Variants in ANAPC1 observed in about 807,000 individuals in gnomAD.
ANAPC1 encodes the protein anaphase promoting complex subunit 1.
In ANAPC1, 36 loss-of-function variants were observed where a neutral mutation model predicts 208.0. The observed-to-expected ratio is 0.17, with a 90% CI of 0.13 to 0.23. ANAPC1 has a LOEUF of 0.23. Among genes scored for constraint, ANAPC1 ranks in the 10% least tolerant of loss-of-function variants. The pLI is 1.00. For missense variants in ANAPC1, 942 were observed against 2,011.6 expected (o/e 0.47, Z 10.17); for synonymous variants, 378 against 695.2 (o/e 0.54, Z 7.18).
intron 6 of ANAPC1, 146 bp downstream of exon 6, chr2:111,872,484 A>C (rs1682807228): frequency 1.6e-6 from 1 of 616,402 alleles, no homozygotes; most frequent in African/African-American, 1.9e-5. Context: ...GGGATACTCA[A>C]CTTGTACTGA....
intron 7 of ANAPC1, chr2:111,865,887 GC>G: frequency 4.0e-6 from 1 of 252,082 alleles, no homozygotes; most frequent in Non-Finnish European, 8.0e-6. Context: ...CCCGACGTGT[GC>G]CCAAGGACAA....
chr2:111,850,496 T>A (rs1681332931), intron 14 of ANAPC1, among the ~76,000 whole-genome samples: 1 of 151,670 alleles, frequency 6.6e-6, no homozygotes, highest in Non-Finnish European at 1.5e-5. Flanking sequence ...CATGAGTCTT[T>A]CTTAAATTCT....
At position 111,858,945 on chromosome 2, in the gene ANAPC1, A is replaced by G. The variant is rs11890947; in HGVS notation, c.1263-544T>C. 5.3e-3 allele frequency among the ~76,000 whole-genome samples: 803 copies of G among 152,322 alleles called. 6 individuals carry two copies. The highest frequency in any genetic ancestry group is 0.017 in the African/African-American group (702 of 41,556). On this transcript the variant is annotated intron_variant, in intron 10 of 47. Transcript: ENST00000341068. ...CACAGCTTTGTTGGGGAAAGCTACA[A>G]TAAATTTAACAATTACTGATGAACT...
chr2:111,868,689 C>A (rs749299058), intron 6 of ANAPC1, among the ~76,000 whole-genome samples: 5 of 152,102 alleles, frequency 3.3e-5, no homozygotes, highest in Non-Finnish European at 7.4e-5. Context: ...CGCCACCACG[C>A]CCAGCTAGTT....
intron 1 of ANAPC1, among the ~76,000 whole-genome samples, chr2:111,881,592 GTGGA>G (rs1342354807): frequency 1.3e-5 from 2 of 152,178 alleles, no homozygotes; most frequent in South Asian, 2.1e-4. Context: ...CTAAAAAAAT[GTGGA>G]TGAACTGTTA....
At chr2:111,775,767 G>T (rs1282877140) in intron 46 of ANAPC1, among the ~76,000 whole-genome samples, 1 of 151,996 alleles carries the variant, frequency 6.6e-6, no homozygotes, top group African/African-American at 2.4e-5. Context: ...AATAGCAAAG[G>T]TCTGCCATAG....
At chr2:111,857,171 C>T (rs1312416238) in intron 11 of ANAPC1, 1 of 366,652 alleles carries the variant, frequency 2.7e-6, no homozygotes, top group Non-Finnish European at 5.1e-6. Context: ...GAAAAAACTG[C>T]ATAGAACCAT....
chr2:111,874,605 T>C (rs1328329557), intron 3 of ANAPC1, among the ~76,000 whole-genome samples: 1 of 152,186 alleles, frequency 6.6e-6, no homozygotes, highest in Non-Finnish European at 1.5e-5. Flanking sequence ...CAGAATTTTA[T>C]CCCTTTTTAA....
chr2:111,826,980 T>C (rs1049806321), intron 21 of ANAPC1, among the ~76,000 whole-genome samples: 1 of 152,188 alleles, frequency 6.6e-6, no homozygotes, highest in African/African-American at 2.4e-5. Context: ...TGCGGGTCTT[T>C]ATGTAGGCAT....
chr2:111,880,414 G>C (rs1159949783), intron 2 of ANAPC1, 199 bp downstream of exon 2: 2 of 1,051,816 alleles, frequency 1.9e-6, no homozygotes, highest in East Asian at 2.9e-5. Flanking sequence ...AAAACCACAA[G>C]TTATAGAGGG....
intron 14 of ANAPC1, among the ~76,000 whole-genome samples, chr2:111,848,219 G>C (rs1371544883): frequency 6.6e-6 from 1 of 152,126 alleles, no homozygotes; most frequent in Non-Finnish European, 1.5e-5. Context: ...AACTAGAAAA[G>C]GTAGGTAAAA....
chr2:111,862,597 G>C lies in ANAPC1; in HGVS notation c.1054C>G (p.Arg352Gly). Reference protein sequence around the residue: ...PSISNMAALSRAHSPALGVHS... With the variant: ...PSISNMAALSGAHSPALGVHS... The stretch of plus-strand genomic sequence containing the variant: ...ACTCCTAACGCAGGAGAATGAGCAC[G>C]ACTGCAAAATAAACAGAGGAGAGAG... Residue 352 changes from arginine to glycine, a missense_variant and splice_region_variant, in exon 10 of 48, where the codon CGT (arginine) becomes GGT (glycine). Physicochemically the swap from Arg to Gly is moderately radical, Grantham distance 125. Coordinates refer to ENST00000341068, the MANE Select transcript of ANAPC1 (RefSeq NM_022662.4). 1 of 1,608,954 alleles carries C rather than the reference G, an allele frequency of 6.2e-7. No individual in the cohort carries two copies. The highest frequency in any genetic ancestry group is 8.5e-7 in the Non-Finnish European group (1 of 1,178,146).
intron 45 of ANAPC1, among the ~76,000 whole-genome samples, chr2:111,777,431 CTAA>C (rs1677052024): frequency 6.6e-6 from 1 of 151,682 alleles, no homozygotes; most frequent in Non-Finnish European, 1.5e-5. Context: ...AAGAACACTA[CTAA>C]TAATACTGCC....
In ANAPC1 at chr2:111,834,497, A is replaced by G. The variant is rs555181045; in HGVS notation, c.2384+107T>C. On this transcript the variant is annotated intron_variant, in intron 19 of 47. Coordinates refer to ENST00000341068, the MANE Select transcript of ANAPC1 (RefSeq NM_022662.4). ...ATGCCCTAGTTTTCTGAGAAGGTAG[A>G]TTTCAGAAACTTATTTACAAGGTCC... is the stretch of plus-strand genomic sequence containing the variant. 4.4e-5 allele frequency: 52 copies of G among 1,178,398 alleles called. No homozygotes were observed. The African/African-American group carries it at 6.0e-4, about 14-fold the overall frequency. The allele number at this position is 1,178,398 out of a possible 1,614,324, so 73.0% of individuals were successfully genotyped here.
intron 3 of ANAPC1, among the ~76,000 whole-genome samples, chr2:111,878,539 G>A (rs1683133967): frequency 6.6e-6 from 1 of 151,904 alleles, no homozygotes; most frequent in Non-Finnish European, 1.5e-5. Flanking sequence ...GTTTTTGCTG[G>A]CAATAACAAA....
intron 17 of ANAPC1, 123 bp from the exon 18 acceptor site, chr2:111,838,635 A>G: frequency 1.4e-6 from 1 of 699,498 alleles, no homozygotes; most frequent in Non-Finnish European, 2.3e-6. Flanking sequence ...ATCAAAACTC[A>G]TTTTTTGATC....
At chr2:111,823,886 A>G (rs565970146) in intron 24 of ANAPC1, among the ~76,000 whole-genome samples, 5 of 147,522 alleles carry the variant, frequency 3.4e-5, no homozygotes, top group African/African-American at 9.8e-5. Flanking sequence ...GTAATATTCT[A>G]TTTCTAGGGG....
intron 2 of ANAPC1, 70 bp from the exon 3 acceptor site, chr2:111,879,041 T>C (rs1254828820): frequency 2.0e-6 from 3 of 1,528,508 alleles, no homozygotes; most frequent in Non-Finnish European, 2.6e-6. Context: ...TGGAACAAAA[T>C]TTATTTGCCC....
At position 111,838,453 on chromosome 2, in the gene ANAPC1, C is replaced by T. The variant is rs746827862; in HGVS notation, c.2100G>A (p.Glu700=). 1.2e-6 allele frequency: 2 copies of T among 1,606,158 alleles called. No individual in the cohort carries two copies. The highest frequency in any genetic ancestry group is 1.7e-6 in the Non-Finnish European group (2 of 1,177,870). The part of the protein sequence containing the change: ...VIAPKKARPS[E]TGSDDDWEYL... ...TAATGCTTACATCATCAGATCCAGT[C>T]TCGGAAGGCCTTGCTTTTTTGGGCG... Residue 700 remains glutamate, a synonymous_variant, in exon 18 of 48, where the codon GAG becomes GAA. Coordinates refer to ENST00000341068, the MANE Select transcript of ANAPC1 (RefSeq NM_022662.4).
Sources: allele counts gnomAD v4.1 joint callset (sites outside exome capture counted in the v4.1 genomes callset), GRCh38; gene constraint gnomAD v4.1.1; transcripts MANE v1.5; gene names NCBI Gene and HGNC (gene_info 2026-07-23, HGNC 2026-07-21).